PIBF1: variants seen among roughly 807,000 people sequenced by gnomAD.
PIBF1 encodes progesterone immunomodulatory binding factor 1.
In PIBF1, 90 loss-of-function variants were observed where a neutral mutation model predicts 112.5. The ratio of observed to expected loss-of-function variants is 0.80; its 90% CI spans 0.67 to 0.95. The LOEUF (loss-of-function observed/expected upper bound fraction) is 0.95. PIBF1 is among the 40% of genes least tolerant of loss of function. The pLI, the probability that PIBF1 is intolerant of heterozygous loss-of-function variation, is 0.00. For missense variants in PIBF1, 915 were observed against 852.3 expected (o/e 1.07, Z -0.92); for synonymous variants, 301 against 288.6 (o/e 1.04, Z -0.44).
chr13:72,943,649 A>G (rs2042070411), intron 14 of PIBF1, among the ~76,000 whole-genome samples: 1 of 152,098 alleles, frequency 6.6e-6, no homozygotes, highest in African/African-American at 2.4e-5. Flanking sequence ...ATCTTCTGTC[A>G]TCTCCCCTCT....
intron 17 of PIBF1, among the ~76,000 whole-genome samples, chr13:73,000,894 T>TGG (rs1279188165): frequency 3.3e-5 from 5 of 152,210 alleles, no homozygotes; most frequent in Admixed American, 6.5e-5. Flanking sequence ...CAATATTAGT[T>TGG]GGGTAGTTCT....
At chr13:72,995,686 TCA>T (rs2043629873) in intron 16 of PIBF1, among the ~76,000 whole-genome samples, 1 of 152,096 alleles carries the variant, frequency 6.6e-6, no homozygotes, top group South Asian at 2.1e-4. Flanking sequence ...GCACAGTGAC[TCA>T]CGCCTGTAAT....
intron 16 of PIBF1, among the ~76,000 whole-genome samples, chr13:72,975,190 G>A (rs947243457): frequency 6.6e-6 from 1 of 151,566 alleles, no homozygotes; most frequent in African/African-American, 2.4e-5. Flanking sequence ...TGAGTACCCG[G>A]GATTACAGGT....
chr13:72,835,167 T>TA, intron 8 of PIBF1, 76 bp from the exon 9 acceptor site: 1 of 1,052,630 alleles, frequency 9.5e-7, no homozygotes. Context: ...TAAAAGGTAT[T>TA]AAAATCTTAC....
chr13:73,014,271 T>A (rs2044318378), intron 17 of PIBF1, among the ~76,000 whole-genome samples: 1 of 152,082 alleles, frequency 6.6e-6, no homozygotes, highest in Non-Finnish European at 1.5e-5. Flanking sequence ...TTGTACCTAT[T>A]CTCTACAATC....
intron 5 of PIBF1, among the ~76,000 whole-genome samples, chr13:72,808,965 A>G (rs1255554186): frequency 2.0e-5 from 3 of 152,214 alleles, no homozygotes; most frequent in Non-Finnish European, 4.4e-5. Flanking sequence ...TGAGACCAGC[A>G]ATTAAGAAAA....
intron 12 of PIBF1, among the ~76,000 whole-genome samples, chr13:72,910,700 T>C (rs2138666168): frequency 6.6e-6 from 1 of 152,294 alleles, no homozygotes; most frequent in South Asian, 2.1e-4. Context: ...ATAGTAAGAA[T>C]CTATTTTCAG....
At chr13:72,973,714 G>C (rs1429880069) in intron 16 of PIBF1, 39 bp downstream of exon 16, 2 of 1,200,888 alleles carry the variant, frequency 1.7e-6, no homozygotes, top group Non-Finnish European at 2.4e-6. Context: ...ATCATTTTAG[G>C]CTTTTTTAAA....
intron 11 of PIBF1, among the ~76,000 whole-genome samples, chr13:72,906,248 G>T (rs994806317): frequency 6.6e-6 from 1 of 151,994 alleles, no homozygotes; most frequent in African/African-American, 2.4e-5. Context: ...ATTGGCAAAG[G>T]CTCCCAGAAG....
At chr13:72,902,810 G>A (rs766753966) in intron 11 of PIBF1, among the ~76,000 whole-genome samples, 9 of 152,096 alleles carry the variant, frequency 5.9e-5, no homozygotes, top group South Asian at 2.1e-4. Flanking sequence ...AATGAAGGAT[G>A]CAGTTAGGAA....
intron 16 of PIBF1, 169 bp downstream of exon 16, chr13:72,973,844 G>T: frequency 1.9e-6 from 1 of 516,868 alleles, no homozygotes; most frequent in South Asian, 3.4e-5. Flanking sequence ...ACTTCTTAGA[G>T]TTAATTCTTA....
At chr13:72,792,073 A>T (rs1012948314) in intron 2 of PIBF1, among the ~76,000 whole-genome samples, 21 of 152,040 alleles carry the variant, frequency 1.4e-4, no homozygotes, top group Non-Finnish European at 1.5e-5. Flanking sequence ...AGGTGGACTG[A>T]TCACTTGAGG....
chr13:72,801,118 A>G (rs1466650295), intron 5 of PIBF1, among the ~76,000 whole-genome samples: 1 of 152,192 alleles, frequency 6.6e-6, no homozygotes, highest in East Asian at 1.9e-4. Context: ...GTTGTAGTTA[A>G]GATCAGAGAG....
In PIBF1 at chr13:72,998,809, C is replaced by T. The variant is rs755277332; in HGVS notation, c.2050-13C>T. 5 of 1,598,344 alleles carry T rather than the reference C, an allele frequency of 3.1e-6. No individual in the cohort carries two copies. In the East Asian group the frequency reaches 9.0e-5, roughly 29 times the overall value. On this transcript the variant is annotated splice_polypyrimidine_tract_variant and intron_variant, in intron 16 of 17. Coordinates refer to ENST00000326291, the MANE Select transcript of PIBF1 (RefSeq NM_006346.4). ...CACTCTTGCTACTTTCTTCTGTTTT[C>T]ATATATCAACAGGAATTGGCAGCAA...
intron 11 of PIBF1, among the ~76,000 whole-genome samples, chr13:72,905,095 ACTCTAT>A (rs2040650244): frequency 7.4e-6 from 1 of 134,668 alleles, no homozygotes; most frequent in Non-Finnish European, 1.6e-5. Flanking sequence ...ACAGAGTCTC[ACTCTAT>A]CTGTCACCCA....
At position 73,007,305 on chromosome 13, in the gene PIBF1, T is replaced by G. The variant is rs571657633; in HGVS notation, c.2223+8310T>G. On this transcript the variant is annotated intron_variant, in intron 17 of 17. Coordinates refer to ENST00000326291, the MANE Select transcript of PIBF1 (RefSeq NM_006346.4). ...GCAGTTAATTTTTGTTTTTGTTTTTTTTTTTTTTTGAGATGGAGTCTCACT... is the reference window on the plus strand; with the variant it reads ...GCAGTTAATTTTTGTTTTTGTTTTTGTTTTTTTTTGAGATGGAGTCTCACT... Among the ~76,000 whole-genome samples, 107 of 150,996 alleles carry G rather than the reference T, an allele frequency of 7.1e-4. 1 individual carries two copies. The South Asian group carries it at 8.5e-3, about 12-fold the overall frequency.
intron 2 of PIBF1, among the ~76,000 whole-genome samples, chr13:72,792,178 C>T (rs2034967168): frequency 6.6e-6 from 1 of 151,926 alleles, no homozygotes; most frequent in Non-Finnish European, 1.5e-5. Context: ...TGGCTGTAAT[C>T]CCAGCTACTC....
chr13:72,938,044 G>A (rs2041917975), intron 14 of PIBF1, among the ~76,000 whole-genome samples: 1 of 152,014 alleles, frequency 6.6e-6, no homozygotes, highest in African/African-American at 2.4e-5. Context: ...ATAGCAAAAA[G>A]TTGCTATTTT....
chr13:72,889,752 A>G (rs2039987981), intron 10 of PIBF1, among the ~76,000 whole-genome samples: 1 of 152,112 alleles, frequency 6.6e-6, no homozygotes, highest in Non-Finnish European at 1.5e-5. Flanking sequence ...AACCTGGATC[A>G]GTTGTTAAAT....
Sources: gnomAD v4.1 joint callset for allele counts (sites outside exome capture counted in the v4.1 genomes callset) on GRCh38, gnomAD v4.1.1 for gene constraint, MANE v1.5 for transcripts, NCBI Gene and HGNC (gene_info 2026-07-23, HGNC 2026-07-21) for gene names.